The following ATF6 variants were observed in gnomAD, a reference collection of about 807,000 sequenced individuals.
ATF6 encodes activating transcription factor 6.
In ATF6, 53 loss-of-function variants were observed where a neutral mutation model predicts 83.6. The observed-to-expected ratio is 0.63, with a 90% confidence interval of 0.51 to 0.80. The LOEUF is 0.80. Ranked by LOEUF, ATF6 falls within the 30% of genes least tolerant of loss-of-function variation. ATF6 has a pLI of 0.00. For synonymous variants in ATF6, 288 were observed against 285.8 expected, an observed-to-expected ratio of 1.01 and a Z score of -0.08; for missense variants, 744 against 797.9, an observed-to-expected ratio of 0.93 and a Z score of 0.81.
intron 3 of ATF6, among the ~76,000 whole-genome samples, chr1:161,782,897 C>A (rs181898108): frequency 6.6e-6 from 1 of 152,110 alleles, no homozygotes; most frequent in Non-Finnish European, 1.5e-5. Flanking sequence ...GAATTTTGAC[C>A]GGGTGCTCCA....
In ATF6 at chr1:161,781,974, G is replaced by T; in HGVS notation, c.222G>T (p.Trp74Cys). 2 of 1,610,224 alleles carry T rather than the reference G, an allele frequency of 1.2e-6. No homozygotes were observed. Among genetic ancestry groups the T allele is most frequent in the South Asian group, 2.2e-5 (2 of 90,458 alleles). The change falls in exon 3 of 16, where the codon TGG becomes TGT. Residue 74 changes from tryptophan (W) to cysteine (C), a missense_variant. Trp to Cys is a radical substitution (Grantham distance 215). Coordinates refer to ENST00000367942, the MANE Select transcript of ATF6 (RefSeq NM_007348.4). ...TGATGCCTTGGGAGTCAGACATTTGGGACATCAACAACCAAATCTGTACAG... is the reference window on the plus strand; with the variant it reads ...TGATGCCTTGGGAGTCAGACATTTGTGACATCAACAACCAAATCTGTACAG... ...LDLMPWESDI[W>C]DINNQICTVK...
At chr1:161,878,223 C>T (rs903165062) in intron 14 of ATF6, among the ~76,000 whole-genome samples, 31 of 152,230 alleles carry the variant, frequency 2.0e-4, no homozygotes, top group Middle Eastern at 3.4e-3. Flanking sequence ...AGATGATCCT[C>T]CTGCCTCAGC....
At chr1:161,768,690 A>T (rs921190186) in intron 1 of ATF6, among the ~76,000 whole-genome samples, 2 of 152,058 alleles carry the variant, frequency 1.3e-5, no homozygotes, top group African/African-American at 4.8e-5. Context: ...GAGCCTCCTG[A>T]GTCGCTAGGA....
At chr1:161,854,771 C>CT (rs1234544629) in intron 12 of ATF6, among the ~76,000 whole-genome samples, 1 of 151,840 alleles carries the variant, frequency 6.6e-6, no homozygotes, top group Non-Finnish European at 1.5e-5. Flanking sequence ...ACTTGGGAGG[C>CT]TGAGGCAGGA....
intron 14 of ATF6, among the ~76,000 whole-genome samples, chr1:161,909,638 A>G (rs980411592): frequency 1.8e-4 from 27 of 152,188 alleles, no homozygotes; most frequent in African/African-American, 6.0e-4. Context: ...ATGACAGGAC[A>G]CTGTGCTCAG....
intron 9 of ATF6, chr1:161,839,963 T>G (rs76165729): frequency 1.3e-5 from 2 of 152,198 alleles, no homozygotes; most frequent in African/African-American, 4.8e-5. Context: ...TTTACCATGA[T>G]AGAAATGGGA....
chr1:161,780,709 G>GTT (rs1438363358), intron 2 of ATF6, among the ~76,000 whole-genome samples: 77 of 150,990 alleles, frequency 5.1e-4, no homozygotes, highest in African/African-American at 1.8e-3. Flanking sequence ...TGTTGTTGTT[G>GTT]TTGTTTTGTT....
intron 7 of ATF6, among the ~76,000 whole-genome samples, chr1:161,813,439 A>C (rs1410158882): frequency 6.6e-6 from 1 of 152,224 alleles, no homozygotes; most frequent in Non-Finnish European, 1.5e-5. Context: ...ATTGGATGAG[A>C]CCTTTAGAGG....
intron 1 of ATF6, among the ~76,000 whole-genome samples, chr1:161,777,010 G>A (rs897099011): frequency 2.6e-5 from 4 of 152,212 alleles, no homozygotes; most frequent in African/African-American, 9.7e-5. Context: ...TGGAAGTCAA[G>A]TGAAGAAAAT....
At chr1:161,796,115 G>T (rs1180137261) in intron 6 of ATF6, among the ~76,000 whole-genome samples, 1 of 152,162 alleles carries the variant, frequency 6.6e-6, no homozygotes, top group Admixed American at 6.6e-5. Flanking sequence ...TCTCAGCAAG[G>T]AGACAGTGGT....
In ATF6 at chr1:161,962,377, A is replaced by G. The variant is rs1689118523; in HGVS notation, c.*3723A>G. ...CCCCTGTGTGTATTCCCCGGTAGTC[A>G]CCGCAGCGAGATGCTGGTGAGACTG... On this transcript the variant is annotated 3_prime_UTR_variant, in exon 16 of 16. Transcript: ENST00000367942. The G allele has an allele frequency of 6.6e-6, 1 of 152,212 alleles. No individual in the cohort carries two copies. The highest frequency in any genetic ancestry group is 2.4e-5 in the African/African-American group (1 of 41,458). The allele number at this position is 152,212 out of a possible 1,614,324, so 9.4% of individuals were successfully genotyped here. A position where few individuals can be genotyped will look rare whatever the true frequency, so the allele number is the denominator to read the frequency against.
In ATF6 at chr1:161,795,588, A is replaced by G. The variant is rs559018911; in HGVS notation, c.688+3261A>G. Among the ~76,000 whole-genome samples, 10 of 152,366 alleles carry G rather than the reference A, an allele frequency of 6.6e-5. No homozygotes were observed. The South Asian group carries it at 1.4e-3, about 22-fold the overall frequency. ...TGAAGAAAGTTTAAAAGAAAGAACT[A>G]TCAAAATCAGTGAGTTACACATAGT... On this transcript the variant is annotated intron_variant, in intron 6 of 15. Coordinates refer to ENST00000367942, the MANE Select transcript of ATF6 (RefSeq NM_007348.4).
intron 14 of ATF6, among the ~76,000 whole-genome samples, chr1:161,899,775 A>T (rs770668098): frequency 6.6e-5 from 10 of 152,088 alleles, no homozygotes; most frequent in Admixed American, 2.0e-4. Flanking sequence ...ACATTGTGGG[A>T]TAGGCACAGA....
intron 14 of ATF6, among the ~76,000 whole-genome samples, chr1:161,880,966 A>G (rs1293296951): frequency 1.3e-5 from 2 of 152,016 alleles, no homozygotes; most frequent in East Asian, 3.9e-4. Flanking sequence ...GTGGTATCTC[A>G]TTGTGGTTTT....
intron 14 of ATF6, among the ~76,000 whole-genome samples, chr1:161,905,026 A>G (rs1687854639): frequency 6.6e-6 from 1 of 152,248 alleles, no homozygotes; most frequent in Admixed American, 6.5e-5. Flanking sequence ...TGTGACGCCA[A>G]CATCAAAATT....
intron 15 of ATF6, among the ~76,000 whole-genome samples, chr1:161,934,688 C>A (rs1422168841): frequency 6.6e-6 from 1 of 152,144 alleles, no homozygotes; most frequent in Non-Finnish European, 1.5e-5. Context: ...TTTACATATG[C>A]TTATGGAAAG....
intron 2 of ATF6, among the ~76,000 whole-genome samples, chr1:161,780,711 T>C (rs1684616126): frequency 6.6e-6 from 1 of 151,628 alleles, no homozygotes; most frequent in Non-Finnish European, 1.5e-5. Context: ...TTGTTGTTGT[T>C]GTTTTGTTTT....
At chr1:161,773,602 C>T (rs909802107) in intron 1 of ATF6, among the ~76,000 whole-genome samples, 6 of 152,160 alleles carry the variant, frequency 3.9e-5, no homozygotes, top group Admixed American at 6.5e-5. Context: ...CTGATTTCCA[C>T]ATTGCTAAAC....
chr1:161,835,452 A>T (rs1254184608), intron 9 of ATF6, among the ~76,000 whole-genome samples: 1 of 152,188 alleles, frequency 6.6e-6, no homozygotes, highest in Non-Finnish European at 1.5e-5. Flanking sequence ...TAAACCAAAC[A>T]TTTTTCCCAG....
Sources: gnomAD v4.1 joint callset for allele counts (sites outside exome capture counted in the v4.1 genomes callset) on GRCh38, gnomAD v4.1.1 for gene constraint, MANE v1.5 for transcripts, NCBI Gene and HGNC (gene_info 2026-07-23, HGNC 2026-07-21) for gene names.